DNHD1: variants seen among roughly 807,000 people sequenced by gnomAD.
DNHD1 encodes dynein heavy chain domain-containing protein 1.
In DNHD1, 383 loss-of-function variants were observed where a neutral mutation model predicts 458.1. The observed-to-expected ratio is 0.84, with a 90% confidence interval of 0.77 to 0.91. The LOEUF (loss-of-function observed/expected upper bound fraction) is 0.91, where lower values mean the gene tolerates loss of function less well. Among genes scored for constraint, DNHD1 ranks in the 40% least tolerant of loss-of-function variants. DNHD1 has a pLI of 0.00. For synonymous variants in DNHD1, 2,203 were observed against 2,376.9 expected (o/e 0.93, Z 2.13); for missense variants, 5,336 against 5,866.1 (o/e 0.91, Z 2.95).
chr11:6,498,799 G>C lies in DNHD1; in HGVS notation c.584G>C (p.Arg195Pro), dbSNP rs761369523. 1 of 1,614,216 alleles carries C rather than the reference G, an allele frequency of 6.2e-7. No individual in the cohort carries two copies. The highest frequency in any genetic ancestry group is 1.1e-5 in the South Asian group (1 of 91,090). The change falls in exon 3 of 43, where the codon CGC (arginine) becomes CCC (proline). Residue 195 changes from arginine to proline, a missense_variant. Physicochemically the swap from Arg to Pro is moderately radical, Grantham distance 103 (BLOSUM62 -2). Around this residue, in one of 4 missense-constraint regions of DNHD1, gnomAD observed 3,932 missense variants for 4,365.6 expected, o/e 0.90. Coordinates refer to ENST00000254579, the MANE Select transcript of DNHD1 (RefSeq NM_144666.3). ...LRPLTLPELQ[R>P]CLGIVGAQVA... ...CCATTGACACTGCCTGAGCTACAGC[G>C]CTGCCTGGGCATTGTTGGTGCTCAG...
chr11:6,545,960 T>C lies in DNHD1; in HGVS notation c.5021T>C (p.Leu1674Ser), dbSNP rs1381081609. 1.3e-6 allele frequency: 2 copies of C among 1,551,784 alleles called. No individual in the cohort carries two copies. The highest frequency in any genetic ancestry group is 1.2e-5 in the South Asian group (1 of 84,068). Residue 1674 changes from leucine to serine, a missense_variant, in exon 21 of 43, where the codon TTA becomes TCA. Physicochemically the swap from Leu to Ser is moderately radical, Grantham distance 145 (BLOSUM62 -2). Around this residue, in one of 4 missense-constraint regions of DNHD1, gnomAD observed 3,932 missense variants for 4,365.6 expected, o/e 0.90. Coordinates refer to ENST00000254579, the MANE Select transcript of DNHD1 (RefSeq NM_144666.3). The surrounding 1 kb of genome is among the most constrained non-coding windows in gnomAD (Gnocchi z 4.9). ...LLPERPALVL[L>S]LALEEVACGT... ...CCTGAACGGCCAGCCCTGGTACTAT[T>C]ATTGGCCCTAGAGGAGGTGGCCTGT...
intron 18 of DNHD1, 59 bp from the exon 19 acceptor site, chr11:6,544,062 T>C: frequency 1.3e-6 from 2 of 1,499,040 alleles, no homozygotes; most frequent in Non-Finnish European, 1.8e-6. Flanking sequence ...TCTCCTCTTC[T>C]CTCCCCCAGC....
rs1254800779 is a variant in DNHD1, at chr11:6,534,106, A to G, written c.2931A>G (p.Leu977=). Residue 977 remains leucine, a synonymous_variant, in exon 14 of 43, where the codon CTA becomes CTG. Coordinates refer to ENST00000254579, the MANE Select transcript of DNHD1 (RefSeq NM_144666.3). ...GTACTGAGCACCAGCTCGTCTCCCT[A>G]GAGCGTCAGTTCCAGAACACAGTCA... The part of the protein sequence containing the change: ...QRSTEHQLVS[L]ERQFQNTVSD... 4.5e-6 allele frequency: 7 copies of G among 1,551,506 alleles called. No individual in the cohort carries two copies. Among genetic ancestry groups the G allele is most frequent in the Non-Finnish European group, 5.2e-6 (6 of 1,146,936 alleles).
rs75962111 is a variant in DNHD1 at position 6,533,708 on chromosome 11, G to A, written c.2533G>A (p.Glu845Lys). Reference protein sequence around the residue: ...KLNEANEQYVELEERMEYVRA... With the variant: ...KLNEANEQYVKLEERMEYVRA... The stretch of plus-strand genomic sequence containing the variant: ...GAATGAAGCCAATGAACAGTACGTC[G>A]AGCTGGAGGAGCGAATGGAATACGT... Residue 845 changes from glutamate (E) to lysine (K), a missense_variant, in exon 14 of 43, where the codon GAG becomes AAG. Physicochemically the swap from Glu to Lys is moderately conservative, Grantham distance 56. Coordinates refer to ENST00000254579, the MANE Select transcript of DNHD1 (RefSeq NM_144666.3). The A allele has an allele frequency of 3.3e-4, 515 of 1,550,964 alleles. 6 individuals are homozygous for A. Among genetic ancestry groups the A allele is most frequent in the East Asian group, 3.3e-3 (134 of 40,884 alleles).
intron 37 of DNHD1, 35 bp from the exon 38 acceptor site, chr11:6,568,419 C>G (rs776067644): frequency 6.2e-6 from 10 of 1,610,508 alleles, no homozygotes; most frequent in African/African-American, 1.3e-5. Context: ...GACCCTTTAT[C>G]CAAGGACTGA....
chr11:6,533,879 C>A lies in DNHD1; in HGVS notation c.2704C>A (p.Pro902Thr). 4 of 1,551,230 alleles carry A rather than the reference C, an allele frequency of 2.6e-6. No individual in the cohort carries two copies. The highest frequency in any genetic ancestry group is 3.5e-6 in the Non-Finnish European group (4 of 1,146,898). ...PPPQPHLLHC[P>T]LLAPQLLDMW... ...CCCACAACCACATCTACTCCACTGC[C>A]CTCTGCTTGCCCCACAGCTTCTGGA... Residue 902 changes from proline (P) to threonine (T), a missense_variant, in exon 14 of 43, where the codon CCT becomes ACT. Physicochemically the swap from Pro to Thr is conservative, Grantham distance 38 (BLOSUM62 -1). Around this residue, in one of 4 missense-constraint regions of DNHD1, gnomAD observed 3,932 missense variants for 4,365.6 expected, o/e 0.90. Coordinates refer to ENST00000254579, the MANE Select transcript of DNHD1 (RefSeq NM_144666.3).
At chr11:6,551,874 G>C (rs1351518165) in intron 24 of DNHD1, among the ~76,000 whole-genome samples, 1 of 150,652 alleles carries the variant, frequency 6.6e-6, no homozygotes, top group Non-Finnish European at 1.5e-5. Flanking sequence ...CAGGGAGGTG[G>C]AAGTTGCGGT....
rs142363313 is a variant in DNHD1 at position 6,559,828 on chromosome 11, C to G, written c.9519+545C>G. Among the ~76,000 whole-genome samples the G allele has an allele frequency of 5.8e-4, 89 of 152,318 alleles. 1 individual carries two copies. Among genetic ancestry groups the G allele is most frequent in the African/African-American group, 2.1e-3 (86 of 41,570 alleles). On this transcript the variant is annotated intron_variant, in intron 28 of 42. Transcript: ENST00000254579. Reference sequence around the variant, plus strand: ...AGAGTGTCCTGAATTGTCTTACTCACCCTCCTCTACCAGGCATTTTCCAGT... The same window carrying G: ...AGAGTGTCCTGAATTGTCTTACTCAGCCTCCTCTACCAGGCATTTTCCAGT...
At chr11:6,510,117 C>G (rs1251763533) in intron 6 of DNHD1, among the ~76,000 whole-genome samples, 2 of 151,586 alleles carry the variant, frequency 1.3e-5, no homozygotes, top group Non-Finnish European at 2.9e-5. Context: ...GAGTTTCACT[C>G]TTGTCGCCCA....
chr11:6,538,851 T>C, intron 16 of DNHD1, 41 bp downstream of exon 16: 5 of 1,461,824 alleles, frequency 3.4e-6, no homozygotes, highest in Non-Finnish European at 4.6e-6. Flanking sequence ...AAGGGAAATA[T>C]GTGAGGTTAG....
In DNHD1 at chr11:6,550,114, A is replaced by G. The variant is rs561304305; in HGVS notation, c.7387+1181A>G. Among the ~76,000 whole-genome samples, 23 of 152,350 alleles carry G rather than the reference A, an allele frequency of 1.5e-4. No homozygotes were observed. The South Asian group carries it at 4.4e-3, about 29-fold the overall frequency. On this transcript the variant is annotated intron_variant, in intron 24 of 42. Transcript: ENST00000254579. The stretch of plus-strand genomic sequence containing the variant: ...CAGTACAATTTATTGAATATCTACT[A>G]TGTGCTCTATGATATGTCTATGTCA...
chr11:6,545,426 T>C lies in DNHD1; in HGVS notation c.4487T>C (p.Val1496Ala). 1 of 1,551,842 alleles carries C rather than the reference T, an allele frequency of 6.4e-7. No individual in the cohort carries two copies. The highest frequency in any genetic ancestry group is 8.7e-7 in the Non-Finnish European group (1 of 1,147,034). The change falls in exon 21 of 43, where the codon GTC becomes GCC. Residue 1496 changes from valine to alanine, a missense_variant. Physicochemically the swap from Val to Ala is moderately conservative, Grantham distance 64 (BLOSUM62 0). This residue lies in a region of DNHD1 where 3,932 missense variants were observed against 4,365.6 expected (regional missense o/e 0.90). Coordinates refer to ENST00000254579, the MANE Select transcript of DNHD1 (RefSeq NM_144666.3). This position sits in a 1 kb window ranked among gnomAD's most constrained non-coding sequence, Gnocchi z 4.9. ...AACAAGTTGTACCTGCAACTGTATGTCCAGCACTGGATCGACTTAGTCCAG... is the reference window on the plus strand; with the variant it reads ...AACAAGTTGTACCTGCAACTGTATGCCCAGCACTGGATCGACTTAGTCCAG... ...KQNKLYLQLY[V>A]QHWIDLVQAF...
rs16915277 is a variant in DNHD1 at position 6,546,627 on chromosome 11, G to C, written c.5688G>C (p.Lys1896Asn). The C allele has an allele frequency of 0.023, 35,278 of 1,551,448 alleles. 1,142 individuals carry two copies. Among genetic ancestry groups the C allele is most frequent in the African/African-American group, 0.15 (11,109 of 73,140 alleles). Residue 1896 changes from lysine (K) to asparagine (N), a missense_variant, in exon 21 of 43, where the codon AAG becomes AAC. Coordinates refer to ENST00000254579, the MANE Select transcript of DNHD1 (RefSeq NM_144666.3). ...RTLNVTKEEP[K>N]CQKPRSLAAI... ...TAAATGTGACCAAGGAGGAACCGAA[G>C]TGCCAGAAGCCTCGCAGCCTAGCTG...
chr11:6,557,984 C>T lies in DNHD1; in HGVS notation c.8689C>T (p.Arg2897Cys), dbSNP rs768287415. The T allele has an allele frequency of 3.9e-6, 6 of 1,551,546 alleles. No individual in the cohort carries two copies. The highest frequency in any genetic ancestry group is 2.4e-5 in the South Asian group (2 of 84,050). ...GCTCTCGGGGGCTCTGGGTACTGGG[C>T]GCCACACTGCCATCACTCTGGCTTC... ...LLLSGALGTG[R>C]HTAITLASSI... The change falls in exon 25 of 43, where the codon CGC (arginine) becomes TGC (cysteine). Residue 2897 changes from arginine (R) to cysteine (C), a missense_variant. By Grantham distance (180) the Arg-to-Cys change is radical (BLOSUM62 -3). Coordinates refer to ENST00000254579, the MANE Select transcript of DNHD1 (RefSeq NM_144666.3).
chr11:6,551,678 C>T lies in DNHD1; in HGVS notation c.7387+2745C>T, dbSNP rs111446222. Among the ~76,000 whole-genome samples the T allele has an allele frequency of 8.2e-3, 1,248 of 152,276 alleles. 19 individuals are homozygous for T. The highest frequency in any genetic ancestry group is 0.028 in the African/African-American group (1,161 of 41,546). On this transcript the variant is annotated intron_variant, in intron 24 of 42. Coordinates refer to ENST00000254579, the MANE Select transcript of DNHD1 (RefSeq NM_144666.3). ...GGAGCCAGGGCCGGGCACTGTGGCT[C>T]ACGCCTGTAATCCCGGCACTTTGGG...
At chr11:6,539,097 C>A in intron 16 of DNHD1, 122 bp from the exon 17 acceptor site, 1 of 722,662 alleles carries the variant, frequency 1.4e-6, no homozygotes, top group Non-Finnish European at 2.3e-6. Flanking sequence ...CTGTGTTGTG[C>A]TCTGAGATCT....
chr11:6,563,260 T>C (rs1853623415), intron 29 of DNHD1, 122 bp from the exon 30 acceptor site: 1 of 1,508,122 alleles, frequency 6.6e-7, no homozygotes, highest in Non-Finnish European at 9.0e-7. Flanking sequence ...ACAAAGGTAA[T>C]AGGATGGCTT....
chr11:6,570,812 C>G lies in DNHD1; in HGVS notation c.13300C>G (p.Leu4434Val), dbSNP rs1304219827. The G allele has an allele frequency of 6.2e-7, 1 of 1,613,832 alleles. No homozygotes were observed. The highest frequency in any genetic ancestry group is 1.3e-5 in the African/African-American group (1 of 74,956). Residue 4434 changes from leucine (L) to valine (V), a missense_variant, in exon 42 of 43, where the codon CTT (leucine) becomes GTT (valine). Around this residue, in one of 4 missense-constraint regions of DNHD1, gnomAD observed 698 missense variants for 664.9 expected, o/e 1.05. Transcript: ENST00000254579. Reference protein sequence around the residue: ...WVPESRRGAQLAERRLRQRLV... With the variant: ...WVPESRRGAQVAERRLRQRLV... The stretch of plus-strand genomic sequence containing the variant: ...TCCTGAGTCTCGAAGAGGCGCCCAG[C>G]TTGCGGAAAGGCGACTGCGGCAACG...
chr11:6,568,851 C>T lies in DNHD1; in HGVS notation c.12848C>T (p.Ala4283Val). The T allele has an allele frequency of 6.2e-7, 1 of 1,610,840 alleles. No homozygotes were observed. ...HRQLYGTRLQ[A>V]HRGRWSQVTL... ...CAGCTCTATGGAACAAGGCTGCAGG[C>T]ACACAGGGGGCGCTGGTGAGGGACC... Residue 4283 changes from alanine (A) to valine (V), a missense_variant, in exon 39 of 43, where the codon GCA (alanine) becomes GTA (valine). Ala to Val is a moderately conservative substitution (Grantham distance 64). Transcript: ENST00000254579.
Sources: gnomAD v4.1 joint callset for allele counts (sites outside exome capture counted in the v4.1 genomes callset) on GRCh38, gnomAD v4.1.1 for gene constraint, gnomAD v4.1.1 regional missense constraint, Gnocchi (gnomAD v3.1) non-coding constraint, MANE v1.5 for transcripts, NCBI Gene and HGNC (gene_info 2026-07-23, HGNC 2026-07-21) for gene names.